Variants in RBFOX1 observed in about 807,000 individuals in gnomAD.
RBFOX1 encodes the protein RNA binding fox-1 homolog 1, also known as RNA binding protein fox-1 homolog 1.
RBFOX1 carries 8 observed loss-of-function variants against 57.7 expected under a neutral mutation model. The observed-to-expected ratio is 0.14, with a 90% CI of 0.08 to 0.25. The LOEUF (loss-of-function observed/expected upper bound fraction) is 0.25, where lower values mean the gene tolerates loss of function less well. Ranked by LOEUF, RBFOX1 falls within the 10% of genes least tolerant of loss-of-function variation. RBFOX1 has a pLI of 1.00. For missense variants in RBFOX1, 611 were observed against 548.5 expected, an observed-to-expected ratio of 1.11 and a Z score of -1.14; for synonymous variants, 326 against 222.4, an observed-to-expected ratio of 1.47 and a Z score of -4.15.
At chr16:6,969,696 A>C (rs1252654701) in intron 3 of RBFOX1, among the ~76,000 whole-genome samples, 1 of 152,104 alleles carries the variant, frequency 6.6e-6, no homozygotes, top group African/African-American at 2.4e-5. Flanking sequence ...GTGAGCTGAA[A>C]TAGTGCCACC....
At chr16:5,777,863 G>A (rs561066126) in intron 3 of RBFOX1, among the ~76,000 whole-genome samples, 1 of 152,226 alleles carries the variant, frequency 6.6e-6, no homozygotes, top group African/African-American at 2.4e-5. Flanking sequence ...GAGATGATGA[G>A]AACCACGATC....
chr16:6,468,124 A>T (rs1567343561), intron 2 of RBFOX1, among the ~76,000 whole-genome samples: 1 of 152,292 alleles, frequency 6.6e-6, no homozygotes, highest in East Asian at 1.9e-4. Context: ...TCTTGAAGTC[A>T]GCCCTTTACT....
chr16:6,226,456 C>T (rs1346245056), intron 1 of RBFOX1, among the ~76,000 whole-genome samples: 1 of 151,330 alleles, frequency 6.6e-6, no homozygotes, highest in Non-Finnish European at 1.5e-5. Flanking sequence ...TTTCCTGTGG[C>T]ACAGGTAGTG....
At chr16:6,684,738 G>A (rs756357407) in intron 3 of RBFOX1, among the ~76,000 whole-genome samples, 3 of 152,186 alleles carry the variant, frequency 2.0e-5, no homozygotes, top group Non-Finnish European at 2.9e-5. Context: ...GCCCCCTGTC[G>A]TGAATGACCG....
At chr16:6,437,050 C>G (rs1387820884) in intron 2 of RBFOX1, among the ~76,000 whole-genome samples, 2 of 152,140 alleles carry the variant, frequency 1.3e-5, no homozygotes, top group Non-Finnish European at 2.9e-5. Flanking sequence ...GTATTTTTGG[C>G]TCTTTGGCTA....
intron 2 of RBFOX1, among the ~76,000 whole-genome samples, chr16:6,368,392 C>G (rs527838421): frequency 2.0e-5 from 3 of 152,148 alleles, no homozygotes; most frequent in Non-Finnish European, 4.4e-5. Context: ...CTGATCTAAC[C>G]ACTGCCACAC....
At chr16:6,010,603 G>A (rs560382271) in intron 4 of RBFOX1, among the ~76,000 whole-genome samples, 54 of 152,152 alleles carry the variant, frequency 3.5e-4, no homozygotes, top group Non-Finnish European at 6.3e-4. Flanking sequence ...CGGAGTGTCC[G>A]CTGATTAATG....
intron 15 of RBFOX1, chr16:7,709,488 A>G (rs2083562906): frequency 2.0e-6 from 3 of 1,472,930 alleles, no homozygotes; most frequent in Non-Finnish European, 2.7e-6. Context: ...CTGCTCATTC[A>G]CATAGCCCCA....
intron 14 of RBFOX1, among the ~76,000 whole-genome samples, chr16:7,684,815 G>C (rs996932413): frequency 9.9e-5 from 15 of 152,108 alleles, no homozygotes; most frequent in African/African-American, 3.6e-4. Context: ...GGTAGTGGGA[G>C]TGGAGGCACT....
intron 4 of RBFOX1, among the ~76,000 whole-genome samples, chr16:5,891,214 T>C (rs994352394): frequency 2.0e-5 from 3 of 152,116 alleles, no homozygotes; most frequent in Non-Finnish European, 2.9e-5. Context: ...CTCTCGTGCA[T>C]GTGAGGGACA....
At chr16:6,933,093 A>T (rs1214359842) in intron 3 of RBFOX1, among the ~76,000 whole-genome samples, 2 of 152,204 alleles carry the variant, frequency 1.3e-5, no homozygotes, top group Non-Finnish European at 2.9e-5. Flanking sequence ...TCTAAGGATG[A>T]ATTACATTCC....
intron 1 of RBFOX1, among the ~76,000 whole-genome samples, chr16:5,382,204 G>T (rs1421715315): frequency 6.6e-6 from 1 of 152,198 alleles, no homozygotes; most frequent in African/African-American, 2.4e-5. Context: ...GGCTTCATCA[G>T]TAATTGACAA....
intron 3 of RBFOX1, among the ~76,000 whole-genome samples, chr16:6,996,165 C>T (rs79126884): frequency 0.02 from 3,083 of 152,280 alleles, 105 homozygotes; most frequent in African/African-American, 0.07. Flanking sequence ...TCTGAAATAA[C>T]ATGGCAGTTC....
intron 1 of RBFOX1, among the ~76,000 whole-genome samples, chr16:6,125,964 G>A (rs955676688): frequency 2.0e-5 from 3 of 152,048 alleles, no homozygotes; most frequent in African/African-American, 7.2e-5. Flanking sequence ...AGGAATGGGG[G>A]GATAGTCTTC....
chr16:7,292,531 T>TACACACACAC lies in RBFOX1; in HGVS notation c.28-225602_28-225593dup, dbSNP rs35731542. Reference sequence around the variant, plus strand: ...TAAAATATATATAATACTATATGTATACACACACACACACACACACACAAA... The same window carrying TACACACACAC: ...TAAAATATATATAATACTATATGTATACACACACACACACACACACACACACACACACAAA... On this transcript the variant is annotated intron_variant, in intron 4 of 15. Transcript: ENST00000550418. Among the ~76,000 whole-genome samples, 412 of 139,060 alleles carry TACACACACAC rather than the reference T, an allele frequency of 3.0e-3. 2 individuals are homozygous for TACACACACAC. The highest frequency in any genetic ancestry group is 0.01 in the African/African-American group (389 of 38,220). The allele number at this position is 139,060 out of a possible 152,430, so 91.2% of individuals were successfully genotyped here. A position where few individuals can be genotyped will look rare whatever the true frequency, so the allele number is the denominator to read the frequency against.
chr16:6,410,272 G>T (rs1307106512), intron 2 of RBFOX1, among the ~76,000 whole-genome samples: 6 of 150,412 alleles, frequency 4.0e-5, no homozygotes, highest in Non-Finnish European at 8.8e-5. Flanking sequence ...CTTCTCCTTG[G>T]GGTGTCCTGC....
chr16:6,220,266 A>G (rs376709176), intron 1 of RBFOX1, among the ~76,000 whole-genome samples: 1 of 152,132 alleles, frequency 6.6e-6, no homozygotes, highest in African/African-American at 2.4e-5. Flanking sequence ...GACACACATA[A>G]CATACATTTA....
At chr16:7,446,806 T>A (rs1379934178) in intron 4 of RBFOX1, among the ~76,000 whole-genome samples, 1 of 117,322 alleles carries the variant, frequency 8.5e-6, no homozygotes, top group Non-Finnish European at 1.7e-5. Flanking sequence ...GTATTTTTTT[T>A]TTTTTTTTTT....
intron 6 of RBFOX1, among the ~76,000 whole-genome samples, chr16:7,582,038 CCT>C (rs371549220): frequency 0.015 from 2,208 of 151,286 alleles, 67 homozygotes; most frequent in African/African-American, 0.05. Context: ...CCCCCCCCCC[CCT>C]TTTTTTTGTG....
Sources: gnomAD v4.1 joint callset for allele counts (sites outside exome capture counted in the v4.1 genomes callset) on GRCh38, gnomAD v4.1.1 for gene constraint, MANE v1.5 for transcripts, NCBI Gene and HGNC (gene_info 2026-07-23, HGNC 2026-07-21) for gene names.